The following MAPKAPK5 variants were observed in gnomAD, a reference collection of about 807,000 sequenced individuals.
MAPKAPK5 encodes MAPK activated protein kinase 5, also known as MAP kinase-activated protein kinase 5.
Under a neutral mutation model 65.1 loss-of-function variants are expected in MAPKAPK5, and 30 were observed. The observed-to-expected ratio is 0.46, with a 90% CI of 0.34 to 0.63. The LOEUF is 0.63. Among genes scored for constraint, MAPKAPK5 ranks in the 20% least tolerant of loss-of-function variants. The pLI, the probability that MAPKAPK5 is intolerant of heterozygous loss-of-function variation, is 0.01. For missense variants in MAPKAPK5, 433 were observed against 581.4 expected, an observed-to-expected ratio of 0.74 and a Z score of 2.63; for synonymous variants, 179 against 204.6, an observed-to-expected ratio of 0.87 and a Z score of 1.07.
rs550325933 is a variant in MAPKAPK5, at chr12:111,877,946, C to G, written c.580-2501C>G. On this transcript the variant is annotated intron_variant, in intron 7 of 13. Transcript: ENST00000550735. ...GGCTCAAGTGATCCTCCTGCCTCAG[C>G]CTCCTAACTTGCTGGGATTACAGGC... 3.3e-5 allele frequency among the ~76,000 whole-genome samples: 5 copies of G among 152,082 alleles called. No individual in the cohort carries two copies. The South Asian group carries it at 1.0e-3, about 32-fold the overall frequency.
chr12:111,866,266 G>A, intron 3 of MAPKAPK5, 35 bp downstream of exon 3: 1 of 1,564,448 alleles, frequency 6.4e-7, no homozygotes, highest in Non-Finnish European at 8.7e-7. Context: ...TTAAATAGTT[G>A]AAGTGCCTAA....
At chr12:111,856,159 T>C (rs1388759617) in intron 1 of MAPKAPK5, among the ~76,000 whole-genome samples, 1 of 151,944 alleles carries the variant, frequency 6.6e-6, no homozygotes, top group Non-Finnish European at 1.5e-5. Flanking sequence ...CCAGTCGTGT[T>C]GTTTAATTTC....
chr12:111,855,709 C>T (rs1273570951), intron 1 of MAPKAPK5, among the ~76,000 whole-genome samples: 1 of 151,980 alleles, frequency 6.6e-6, no homozygotes, highest in East Asian at 2.0e-4. Context: ...CACCTGTAGT[C>T]CCAGCTACTT....
At position 111,880,638 on chromosome 12, in the gene MAPKAPK5, C is replaced by T. The variant is rs138020572; in HGVS notation, c.660+111C>T. 6,528 of 878,640 alleles carry T rather than the reference C, an allele frequency of 7.4e-3. 72 individuals carry two copies. Among genetic ancestry groups the T allele is most frequent in the South Asian group, 0.026 (1,658 of 64,638 alleles). 54.4% of individuals were successfully genotyped at this position (878,640 alleles called of 1,614,324 possible). On this transcript the variant is annotated intron_variant, in intron 8 of 13. Transcript: ENST00000550735. ...AATTCCTTTCTCACCCCTTAATATTCCTGCCCCAAAGAAGCAGCCAGACTC... is the reference window on the plus strand; with the variant it reads ...AATTCCTTTCTCACCCCTTAATATTTCTGCCCCAAAGAAGCAGCCAGACTC...
Position 111,897,972 on chromosome 12 carries a change from T to A in MAPKAPK5, c.*4911T>A, listed in dbSNP as rs1783153079. The A allele has an allele frequency of 6.6e-6, 1 of 151,778 alleles. No individual in the cohort carries two copies. The highest frequency in any genetic ancestry group is 2.4e-5 in the African/African-American group (1 of 41,286). 9.4% of individuals were successfully genotyped at this position (151,778 alleles called of 1,614,324 possible). A position where few individuals can be genotyped will look rare whatever the true frequency, so the allele number is the denominator to read the frequency against. On this transcript the variant is annotated 3_prime_UTR_variant, in exon 14 of 14. Coordinates refer to ENST00000550735, the MANE Select transcript of MAPKAPK5 (RefSeq NM_003668.4). Reference sequence around the variant, plus strand: ...TGCGTAAGGAATGGGTGCATAGGGCTTCTTTTCCTTTTAAATTTGTACTGC... The same window carrying A: ...TGCGTAAGGAATGGGTGCATAGGGCATCTTTTCCTTTTAAATTTGTACTGC...
At chr12:111,847,180 T>TA (rs922823787) in intron 1 of MAPKAPK5, among the ~76,000 whole-genome samples, 25 of 150,776 alleles carry the variant, frequency 1.7e-4, no homozygotes, top group African/African-American at 2.4e-4. Flanking sequence ...CCATCTCTAC[T>TA]AAAAAAAACA....
At chr12:111,853,561 GTC>G (rs928328950) in intron 1 of MAPKAPK5, among the ~76,000 whole-genome samples, 5 of 152,052 alleles carry the variant, frequency 3.3e-5, no homozygotes, top group African/African-American at 9.7e-5. Context: ...TTGAGATGGA[GTC>G]TCTCTCTGTT....
At chr12:111,889,913 C>T in intron 12 of MAPKAPK5, 127 bp from the exon 13 acceptor site, 1 of 646,564 alleles carries the variant, frequency 1.5e-6, no homozygotes, top group Non-Finnish European at 2.8e-6. Flanking sequence ...AAGCCCTTGT[C>T]TGGTGAAGTT....
At chr12:111,865,406 T>TA in intron 2 of MAPKAPK5, 83 bp downstream of exon 2, 1 of 925,184 alleles carries the variant, frequency 1.1e-6, no homozygotes, top group Non-Finnish European at 1.7e-6. Flanking sequence ...CATCTTGAAT[T>TA]AGACACATCA....
intron 3 of MAPKAPK5, among the ~76,000 whole-genome samples, chr12:111,867,000 C>G (rs966247104): frequency 1.3e-5 from 2 of 152,148 alleles, no homozygotes; most frequent in Admixed American, 1.3e-4. Flanking sequence ...ACGATCATGG[C>G]TCACTGCAGC....
rs1413499891 is a variant in MAPKAPK5, at chr12:111,894,967, A to T, written c.*1906A>T. The T allele has an allele frequency of 6.6e-6, 1 of 151,954 alleles. No homozygotes were observed. Among genetic ancestry groups the T allele is most frequent in the African/African-American group, 2.4e-5 (1 of 41,354 alleles). 9.4% of individuals were successfully genotyped at this position (151,954 alleles called of 1,614,324 possible). On this transcript the variant is annotated 3_prime_UTR_variant, in exon 14 of 14. Coordinates refer to ENST00000550735, the MANE Select transcript of MAPKAPK5 (RefSeq NM_003668.4). ...ATTTTCTAACTCCTCCACTGTGCTG[A>T]GTAATTCCTCCACCCTGAATCTTCA...
intron 1 of MAPKAPK5, among the ~76,000 whole-genome samples, chr12:111,858,459 A>G (rs1054939811): frequency 1.4e-5 from 2 of 146,446 alleles, no homozygotes; most frequent in African/African-American, 5.1e-5. Context: ...TTTTCTGTCT[A>G]TTCTTTGGAT....
chr12:111,877,089 C>T (rs549106373), intron 7 of MAPKAPK5, among the ~76,000 whole-genome samples: 16 of 110,054 alleles, frequency 1.5e-4, no homozygotes, highest in African/African-American at 6.1e-4. Flanking sequence ...ACGATCTCGG[C>T]TCACTGCAAC....
rs1010747277 is a variant in MAPKAPK5, at chr12:111,895,931, C to G, written c.*2870C>G. ...CTTGACTGAGAGTTGAATTAAGTGCCTGTTGTTGTGTTTTTCAGTGAAATG... is the reference window on the plus strand; with the variant it reads ...CTTGACTGAGAGTTGAATTAAGTGCGTGTTGTTGTGTTTTTCAGTGAAATG... On this transcript the variant is annotated 3_prime_UTR_variant, in exon 14 of 14. Transcript: ENST00000550735. 1 of 152,102 alleles carries G rather than the reference C, an allele frequency of 6.6e-6. No individual in the cohort carries two copies. Among genetic ancestry groups the G allele is most frequent in the Non-Finnish European group, 1.5e-5 (1 of 68,030 alleles). 9.4% of individuals were successfully genotyped at this position (152,102 alleles called of 1,614,324 possible). A position where few individuals can be genotyped will look rare whatever the true frequency, so the allele number is the denominator to read the frequency against.
intron 1 of MAPKAPK5, among the ~76,000 whole-genome samples, chr12:111,859,350 C>T (rs1462840328): frequency 1.3e-5 from 2 of 149,566 alleles, no homozygotes; most frequent in Non-Finnish European, 3.0e-5. Flanking sequence ...ATGATCTCAG[C>T]TCATTGCAAC....
chr12:111,842,920 C>G (rs934477265), intron 1 of MAPKAPK5, 151 bp downstream of exon 1: 66 of 674,470 alleles, frequency 9.8e-5, no homozygotes, highest in Non-Finnish European at 1.4e-4. Flanking sequence ...GCTTTACAGC[C>G]CTGGGGCCAA....
intron 8 of MAPKAPK5, among the ~76,000 whole-genome samples, chr12:111,881,780 C>G (rs1394401958): frequency 6.6e-6 from 1 of 152,050 alleles, no homozygotes; most frequent in African/African-American, 2.4e-5. Flanking sequence ...GTAAGTAGAT[C>G]AGAAAAAAGA....
At chr12:111,858,522 A>G (rs949373829) in intron 1 of MAPKAPK5, among the ~76,000 whole-genome samples, 2 of 149,946 alleles carry the variant, frequency 1.3e-5, no homozygotes, top group African/African-American at 4.9e-5. Context: ...CTGTCACCTG[A>G]AAATCTGTTG....
chr12:111,866,030 A>G (rs76414003), intron 2 of MAPKAPK5, 126 bp from the exon 3 acceptor site: 1 of 696,240 alleles, frequency 1.4e-6, no homozygotes, highest in African/African-American at 1.8e-5. Flanking sequence ...CTTGGGGGCA[A>G]GTTTGTTCTG....
Sources: gnomAD v4.1 joint callset for allele counts (sites outside exome capture counted in the v4.1 genomes callset) on GRCh38, gnomAD v4.1.1 for gene constraint, MANE v1.5 for transcripts, NCBI Gene and HGNC (gene_info 2026-07-23, HGNC 2026-07-21) for gene names.